Variants in LIG1 observed in about 807,000 individuals in gnomAD.
LIG1 encodes the protein DNA ligase 1, also known as ligase I, DNA, ATP-dependent.
LIG1 carries 70 observed loss-of-function variants against 115.7 expected under a neutral mutation model. The observed-to-expected ratio is 0.60, with a 90% CI of 0.50 to 0.74. The LOEUF (loss-of-function observed/expected upper bound fraction) is 0.74. Ranked by LOEUF, LIG1 falls within the 30% of genes least tolerant of loss-of-function variation. The probability of loss-of-function intolerance (pLI) is 0.00; values close to 1 mark genes in which losing one functional copy is unlikely to be tolerated. For synonymous variants in LIG1, 487 were observed against 495.3 expected (o/e 0.98, Z 0.22); for missense variants, 1,115 against 1,225.6 (o/e 0.91, Z 1.35).
chr19:48,158,298 T>C (rs189561651), intron 4 of LIG1, among the ~76,000 whole-genome samples: 12 of 152,322 alleles, frequency 7.9e-5, no homozygotes, highest in Admixed American at 7.2e-4. Flanking sequence ...CTCCTCTTCC[T>C]GTTGGCAGAA....
intron 6 of LIG1, among the ~76,000 whole-genome samples, chr19:48,152,612 G>GGC (rs2035548534): frequency 6.6e-6 from 1 of 152,134 alleles, no homozygotes; most frequent in African/African-American, 2.4e-5. Context: ...GAACTCACTG[G>GGC]GCGCTGCAAG....
chr19:48,147,376 A>G (rs2035184613), intron 9 of LIG1: 1 of 152,172 alleles, frequency 6.6e-6, no homozygotes, highest in Non-Finnish European at 1.5e-5. Flanking sequence ...AGATGGATAT[A>G]TGATTATGTA....
At chr19:48,127,097 G>C (rs574820573) in intron 21 of LIG1, 180 bp downstream of exon 21, 1 of 622,228 alleles carries the variant, frequency 1.6e-6, no homozygotes. Flanking sequence ...AGATGTCCTT[G>C]AAAGAATCTT....
At chr19:48,149,564 G>A (rs2035337180) in intron 9 of LIG1, among the ~76,000 whole-genome samples, 199 bp downstream of exon 9, 1 of 152,182 alleles carries the variant, frequency 6.6e-6, no homozygotes, top group Admixed American at 6.5e-5. Context: ...GTTTCTACAG[G>A]TTCTGGGATC....
intron 26 of LIG1, 168 bp from the exon 27 acceptor site, chr19:48,116,133 C>G: frequency 1.6e-6 from 1 of 644,850 alleles, no homozygotes; most frequent in Non-Finnish European, 2.8e-6. Flanking sequence ...TACCCGGGCA[C>G]AGTAAGTGCT....
In LIG1 at chr19:48,139,154, T is replaced by C. The variant is rs1033979640; in HGVS notation, c.1087+817A>G. Among the ~76,000 whole-genome samples the C allele has an allele frequency of 7.9e-5, 12 of 152,274 alleles. No individual in the cohort carries two copies. In the South Asian group the frequency reaches 2.5e-3, roughly 32 times the overall value. ...CGAACCCTGGGCTCTGAGCCAGACC[T>C]GGTGAGCCTCAGACCCGTTTCCAAA... On this transcript the variant is annotated intron_variant, in intron 12 of 27. Transcript: ENST00000263274.
chr19:48,144,097 T>C (rs1488225416), intron 9 of LIG1, 134 bp from the exon 10 acceptor site: 3 of 772,014 alleles, frequency 3.9e-6, no homozygotes, highest in Admixed American at 1.9e-5. Context: ...TTTGCTAACC[T>C]GGAGCTCACA....
chr19:48,152,640 A>G (rs2122878196), intron 6 of LIG1, among the ~76,000 whole-genome samples: 1 of 152,288 alleles, frequency 6.6e-6, no homozygotes, highest in Middle Eastern at 3.4e-3. Flanking sequence ...AGATTTTTCA[A>G]AGGAAACCCA....
chr19:48,137,672 G>C lies in LIG1; in HGVS notation c.1104C>G (p.Ser368=), dbSNP rs765788847. The part of the protein sequence containing the change: ...VAQATGRQLE[S]VRAEAAEKGD... Reference sequence around the variant, plus strand: ...CTTTCTCGGCTGCCTCAGCCCGGACGGACTCCAGCTGCCGACCTTCAGGGG... The same window carrying C: ...CTTTCTCGGCTGCCTCAGCCCGGACCGACTCCAGCTGCCGACCTTCAGGGG... Residue 368 remains serine, a synonymous_variant, in exon 13 of 28, where the codon TCC becomes TCG. Transcript: ENST00000263274. This position sits in a 1 kb window ranked among gnomAD's most constrained non-coding sequence, Gnocchi z 4.3. The C allele has an allele frequency of 9.3e-6, 15 of 1,604,354 alleles. No individual in the cohort carries two copies. The Admixed American group carries it at 2.5e-4, about 27-fold the overall frequency.
chr19:48,143,520 C>G, intron 11 of LIG1, 23 bp downstream of exon 11: 1 of 609,994 alleles, frequency 1.6e-6, no homozygotes, highest in Non-Finnish European at 3.0e-6. Flanking sequence ...CCGCCCCCCA[C>G]CCAGGCAGTC....
At chr19:48,149,293 T>C (rs994545365) in intron 9 of LIG1, among the ~76,000 whole-genome samples, 4 of 152,022 alleles carry the variant, frequency 2.6e-5, no homozygotes, top group Admixed American at 2.0e-4. Flanking sequence ...CAAGACTCTG[T>C]CTCAAAAATA....
At chr19:48,131,054 C>T (rs534251840) in intron 19 of LIG1, 22 bp downstream of exon 19, 1 of 1,599,146 alleles carries the variant, frequency 6.3e-7, no homozygotes, top group Admixed American at 1.7e-5. Context: ...TGGCAGAGTG[C>T]AAGTGTGTGG....
chr19:48,133,035 A>T lies in LIG1; in HGVS notation c.1672T>A (p.Phe558Ile), dbSNP rs1162053128. ...TCGCAGGTGAAAGCTGCCTCCTCAA[A>T]GCGTTTCAGGACCTCGCTGATGCCC... ...TRGISEVLKR[F>I]EEAAFTCEYK... is the part of the protein sequence containing the mutation. The change falls in exon 18 of 28, where the codon TTT becomes ATT. Residue 558 changes from phenylalanine to isoleucine, a missense_variant. Transcript: ENST00000263274. The T allele has an allele frequency of 6.2e-7, 1 of 1,614,114 alleles. No individual in the cohort carries two copies. Among genetic ancestry groups the T allele is most frequent in the Admixed American group, 1.7e-5 (1 of 60,014 alleles).
rs901737148 is a variant in LIG1 at position 48,137,823 on chromosome 19, G to A, written c.1088-135C>T. On this transcript the variant is annotated intron_variant, in intron 12 of 27. Transcript: ENST00000263274. This position sits in a 1 kb window ranked among gnomAD's most constrained non-coding sequence, Gnocchi z 4.3. Reference sequence around the variant, plus strand: ...GTCCCTGCACCTCCCTGTGTCTAACGCTCACCCACTTGGTAGAAATGGCTT... The same window carrying A: ...GTCCCTGCACCTCCCTGTGTCTAACACTCACCCACTTGGTAGAAATGGCTT... 23 of 1,101,722 alleles carry A rather than the reference G, an allele frequency of 2.1e-5. No individual in the cohort carries two copies. Among genetic ancestry groups the A allele is most frequent in the Middle Eastern group, 2.0e-4 (1 of 5,070 alleles). 68.2% of individuals were successfully genotyped at this position (1,101,722 alleles called of 1,614,324 possible).
At chr19:48,126,328 AGGCGTGGTG>A in intron 21 of LIG1, among the ~76,000 whole-genome samples, 1 of 152,060 alleles carries the variant, frequency 6.6e-6, no homozygotes, top group African/African-American at 2.4e-5. Context: ...ATTCAAGGCC[AGGCGTGGTG>A]GTTCACGCCT....
intron 4 of LIG1, among the ~76,000 whole-genome samples, chr19:48,158,522 G>A (rs1389007123): frequency 6.6e-6 from 1 of 152,266 alleles, no homozygotes; most frequent in African/African-American, 2.4e-5. Context: ...CAGTTATTAA[G>A]TGATTTTCTC....
chr19:48,142,654 T>C (rs772199863), intron 11 of LIG1, among the ~76,000 whole-genome samples: 2 of 151,886 alleles, frequency 1.3e-5, no homozygotes, highest in African/African-American at 2.4e-5. Flanking sequence ...TTTTGTTTGT[T>C]TGTTTTTGAG....
chr19:48,118,695 C>T (rs139767090), intron 25 of LIG1, among the ~76,000 whole-genome samples: 229 of 152,182 alleles, frequency 1.5e-3, no homozygotes, highest in Admixed American at 2.3e-3. Context: ...TGCGCCACCA[C>T]GCCCGGCAAG....
intron 25 of LIG1, chr19:48,118,634 G>C (rs755312667): frequency 6.5e-6 from 1 of 153,688 alleles, no homozygotes; most frequent in African/African-American, 2.6e-5. Context: ...TGCATCCTGG[G>C]TTCAAGCAAT....
Sources: gnomAD v4.1 joint callset for allele counts (sites outside exome capture counted in the v4.1 genomes callset) on GRCh38, gnomAD v4.1.1 for gene constraint, Gnocchi (gnomAD v3.1) non-coding constraint, MANE v1.5 for transcripts, NCBI Gene and HGNC (gene_info 2026-07-23, HGNC 2026-07-21) for gene names.